Variants in CCSER1 observed in about 807,000 individuals in gnomAD.
The protein encoded by CCSER1 is serine-rich coiled-coil domain-containing protein 1.
CCSER1 carries 41 observed loss-of-function variants against 82.0 expected under a neutral mutation model. The observed-to-expected ratio is 0.50, with a 90% confidence interval of 0.39 to 0.65. The LOEUF (loss-of-function observed/expected upper bound fraction) is 0.65. Ranked by LOEUF, CCSER1 falls within the 30% of genes least tolerant of loss-of-function variation. The probability of loss-of-function intolerance (pLI) is 0.00; values close to 1 mark genes in which losing one functional copy is unlikely to be tolerated. For missense variants in CCSER1, 1,119 were observed against 1,064.2 expected (o/e 1.05, Z -0.72); for synonymous variants, 414 against 383.9 (o/e 1.08, Z -0.92).
At chr4:90,853,561 G>A (rs564911424) in intron 8 of CCSER1, among the ~76,000 whole-genome samples, 11 of 151,954 alleles carry the variant, frequency 7.2e-5, no homozygotes, top group African/African-American at 1.9e-4. Context: ...CTCTGTGCTC[G>A]TGTTTTAACC....
intron 8 of CCSER1, among the ~76,000 whole-genome samples, chr4:90,913,720 A>G (rs11944499): frequency 0.069 from 10,548 of 152,166 alleles, 422 homozygotes; most frequent in Admixed American, 0.13. Context: ...AGTCAACACC[A>G]ATAAGTATGC....
chr4:91,493,700 G>T (rs988929307), intron 10 of CCSER1, among the ~76,000 whole-genome samples: 1 of 151,448 alleles, frequency 6.6e-6, no homozygotes, highest in African/African-American at 2.4e-5. Flanking sequence ...AGTGAATTAT[G>T]ATTAATTCAC....
chr4:90,782,783 G>A (rs931551242), intron 7 of CCSER1, among the ~76,000 whole-genome samples: 11 of 146,062 alleles, frequency 7.5e-5, no homozygotes, highest in African/African-American at 2.8e-4. Context: ...CCGGGTTCAC[G>A]CCATTCTCCT....
At chr4:90,237,663 CA>C (rs1746047357) in intron 1 of CCSER1, among the ~76,000 whole-genome samples, 1 of 152,178 alleles carries the variant, frequency 6.6e-6, no homozygotes, top group Non-Finnish European at 1.5e-5. Flanking sequence ...GGAAGGCCCA[CA>C]ACCTACCTAT....
intron 4 of CCSER1, among the ~76,000 whole-genome samples, chr4:90,417,930 T>C (rs1023219417): frequency 6.6e-6 from 1 of 152,172 alleles, no homozygotes; most frequent in Admixed American, 6.5e-5. Flanking sequence ...CAAGCTCTGA[T>C]GTGTCTTGGT....
chr4:91,290,589 T>A (rs1001292813), intron 10 of CCSER1, among the ~76,000 whole-genome samples: 1 of 152,002 alleles, frequency 6.6e-6, no homozygotes, highest in Admixed American at 6.6e-5. Context: ...TATTAAAATA[T>A]GAATGATCTA....
At chr4:91,197,262 T>C (rs1328856947) in intron 10 of CCSER1, among the ~76,000 whole-genome samples, 5 of 152,230 alleles carry the variant, frequency 3.3e-5, no homozygotes, top group Non-Finnish European at 7.3e-5. Flanking sequence ...TATAAGGCTT[T>C]TCTCAATTGA....
At chr4:91,211,592 AG>A (rs1463286054) in intron 10 of CCSER1, among the ~76,000 whole-genome samples, 2 of 152,102 alleles carry the variant, frequency 1.3e-5, no homozygotes, top group African/African-American at 4.8e-5. Flanking sequence ...ACATTCTGTC[AG>A]TACGCATGTG....
At chr4:90,283,940 C>G (rs912437634) in intron 1 of CCSER1, among the ~76,000 whole-genome samples, 1 of 152,018 alleles carries the variant, frequency 6.6e-6, no homozygotes, top group Non-Finnish European at 1.5e-5. Context: ...ATTTACATTC[C>G]CACTGTGTAT....
At chr4:91,250,061 A>AT (rs111686317) in intron 10 of CCSER1, among the ~76,000 whole-genome samples, 1,947 of 152,104 alleles carry the variant, frequency 0.013, 52 homozygotes, top group African/African-American at 0.045. Flanking sequence ...TAGGACTATG[A>AT]TTTCCCTTAA....
chr4:91,458,849 T>C (rs1387644626), intron 10 of CCSER1, among the ~76,000 whole-genome samples: 1 of 152,152 alleles, frequency 6.6e-6, no homozygotes, highest in Non-Finnish European at 1.5e-5. Flanking sequence ...TGATTTTGTA[T>C]CCTGTAACTT....
chr4:91,114,621 G>C (rs1726390705), intron 10 of CCSER1, among the ~76,000 whole-genome samples: 1 of 152,304 alleles, frequency 6.6e-6, no homozygotes, highest in East Asian at 1.9e-4. Flanking sequence ...ACCTCATCCT[G>C]CTTCCTGCTC....
intron 10 of CCSER1, among the ~76,000 whole-genome samples, chr4:91,148,479 T>C (rs1460408722): frequency 6.6e-6 from 1 of 151,938 alleles, no homozygotes; most frequent in African/African-American, 2.4e-5. Context: ...TCTTATTTAT[T>C]TATTTATTTA....
intron 9 of CCSER1, among the ~76,000 whole-genome samples, chr4:91,020,910 A>C (rs191964378): frequency 7.4e-4 from 113 of 152,292 alleles, no homozygotes; most frequent in Admixed American, 5.2e-3. Context: ...ACTATACACT[A>C]TATCTAATGG....
chr4:91,064,744 C>G (rs1361041095), intron 9 of CCSER1, among the ~76,000 whole-genome samples: 7 of 152,138 alleles, frequency 4.6e-5, no homozygotes, highest in Non-Finnish European at 1.0e-4. Flanking sequence ...TGCTGGAAAC[C>G]AGCCAAGTAA....
At chr4:90,711,835 G>T (rs572575750) in intron 6 of CCSER1, among the ~76,000 whole-genome samples, 1 of 151,822 alleles carries the variant, frequency 6.6e-6, no homozygotes, top group Non-Finnish European at 1.5e-5. Context: ...GATGATGCTG[G>T]CCTCATAGAA....
chr4:91,589,761 A>G (rs1190309408), intron 10 of CCSER1, among the ~76,000 whole-genome samples: 1 of 151,932 alleles, frequency 6.6e-6, no homozygotes, highest in Non-Finnish European at 1.5e-5. Context: ...GCAGAATTAT[A>G]TTTTCATAGA....
intron 10 of CCSER1, among the ~76,000 whole-genome samples, chr4:91,550,674 A>G (rs1762118660): frequency 6.6e-6 from 1 of 152,214 alleles, no homozygotes; most frequent in Admixed American, 6.5e-5. Flanking sequence ...ACTATACTAT[A>G]TCATACCATA....
At chr4:90,244,978 C>CT (rs1721158802) in intron 1 of CCSER1, among the ~76,000 whole-genome samples, 1 of 152,134 alleles carries the variant, frequency 6.6e-6, no homozygotes, top group African/African-American at 2.4e-5. Flanking sequence ...AGAGTAATCT[C>CT]ATTAAGATGT....
Sources: allele counts gnomAD v4.1 joint callset (sites outside exome capture counted in the v4.1 genomes callset), GRCh38; gene constraint gnomAD v4.1.1; transcripts MANE v1.5; gene names NCBI Gene and HGNC (gene_info 2026-07-23, HGNC 2026-07-21).